The following COLGALT1 variants were observed in gnomAD, a reference collection of about 807,000 sequenced individuals.
The protein encoded by COLGALT1 is procollagen galactosyltransferase 1.
Under a neutral mutation model 60.8 loss-of-function variants are expected in COLGALT1, and 43 were observed. The observed-to-expected ratio is 0.71, with a 90% confidence interval of 0.55 to 0.91. The LOEUF is 0.91. Ranked by LOEUF, COLGALT1 falls within the 40% of genes least tolerant of loss-of-function variation. The pLI is 0.00. For synonymous variants in COLGALT1, 369 were observed against 374.2 expected (o/e 0.99, Z 0.16); for missense variants, 845 against 880.0 (o/e 0.96, Z 0.50).
chr19:17,556,161 G>T (rs1266317619), intron 1 of COLGALT1, among the ~76,000 whole-genome samples, 188 bp downstream of exon 1: 11 of 152,218 alleles, frequency 7.2e-5, no homozygotes, highest in Admixed American at 2.0e-4. Context: ...ATCGGGACGG[G>T]TCCACGCGTG....
intron 1 of COLGALT1, among the ~76,000 whole-genome samples, chr19:17,557,699 TC>T (rs1321086898): frequency 6.6e-6 from 1 of 152,212 alleles, no homozygotes; most frequent in Admixed American, 6.5e-5. Flanking sequence ...CCTCCTGGGC[TC>T]AAGTGATTCT....
intron 9 of COLGALT1, 38 bp downstream of exon 9, chr19:17,578,127 T>C (rs2144846197): frequency 6.5e-7 from 1 of 1,527,340 alleles, no homozygotes; most frequent in Non-Finnish European, 8.8e-7. Flanking sequence ...GAGTTATGAC[T>C]CTAGATCTCA....
chr19:17,577,180 G>T lies in COLGALT1; in HGVS notation c.950-15G>T, dbSNP rs1367390857. The T allele has an allele frequency of 1.2e-6, 2 of 1,612,574 alleles. No homozygotes were observed. Among genetic ancestry groups the T allele is most frequent in the Non-Finnish European group, 1.7e-6 (2 of 1,179,382 alleles). ...CTCCTTACCCCAGCGACTCCTCAAC[G>T]TCTGTGCCCCACAGTGAAGCACCCG... On this transcript the variant is annotated splice_polypyrimidine_tract_variant and intron_variant, in intron 6 of 11. Transcript: ENST00000252599.
rs960376578 is a variant in COLGALT1, at chr19:17,581,232, C to T, written c.1657C>T (p.Pro553Ser). The change falls in exon 12 of 12, where the codon CCG becomes TCG. Residue 553 changes from proline to serine, a missense_variant. By Grantham distance (74) the Pro-to-Ser change is moderately conservative. Transcript: ENST00000252599. ...LRNLHAFSVE[P>S]LLIYPTHYTG... ...CAACCTGCATGCCTTCTCTGTGGAG[C>T]CGCTGCTCATCTACCCCACACACTA... 1 of 1,610,234 alleles carries T rather than the reference C, an allele frequency of 6.2e-7. No individual in the cohort carries two copies. The highest frequency in any genetic ancestry group is 8.5e-7 in the Non-Finnish European group (1 of 1,179,742).
At position 17,572,471 on chromosome 19, in the gene COLGALT1, T is replaced by C; in HGVS notation, c.830-12T>C. 2 of 1,614,082 alleles carry C rather than the reference T, an allele frequency of 1.2e-6. No individual in the cohort carries two copies. The highest frequency in any genetic ancestry group is 1.3e-5 in the African/African-American group (1 of 75,064). ...TTTTTACATTTGTCTGTTGCTTCCC[T>C]GCCCACTGCAGAGGTTCAGATGTAT... is the stretch of plus-strand genomic sequence containing the variant. On this transcript the variant is annotated splice_polypyrimidine_tract_variant and intron_variant, in intron 5 of 11. Transcript: ENST00000252599.
chr19:17,580,383 A>C, intron 10 of COLGALT1: 11 of 402,056 alleles, frequency 2.7e-5, no homozygotes, highest in East Asian at 1.0e-4. Flanking sequence ...CCATCAGGGC[A>C]CCTCGCCCAC....
At chr19:17,574,250 C>T (rs1196269132) in intron 6 of COLGALT1, among the ~76,000 whole-genome samples, 1 of 152,022 alleles carries the variant, frequency 6.6e-6, no homozygotes, top group Non-Finnish European at 1.5e-5. Flanking sequence ...CCCAGCCTTA[C>T]CGATTTCTGA....
In COLGALT1 at chr19:17,582,045, A is replaced by AT; in HGVS notation, c.*601_*602insT. Reference sequence around the variant, plus strand: ...TTTCTCGGCCTCCCAAGTAGCTGGGACTATAGGTGCGTGCCATCACATCTG... The same window carrying AT: ...TTTCTCGGCCTCCCAAGTAGCTGGGATCTATAGGTGCGTGCCATCACATCTG... On this transcript the variant is annotated 3_prime_UTR_variant, in exon 12 of 12. Coordinates refer to ENST00000252599, the MANE Select transcript of COLGALT1 (RefSeq NM_024656.4). 1 of 154,932 alleles carries AT rather than the reference A, an allele frequency of 6.5e-6. No individual in the cohort carries two copies. The highest frequency in any genetic ancestry group is 1.4e-5 in the Non-Finnish European group (1 of 69,878). 9.6% of individuals were successfully genotyped at this position (154,932 alleles called of 1,614,324 possible).
At chr19:17,572,461 G>A (rs1343458025) in intron 5 of COLGALT1, 22 bp from the exon 6 acceptor site, 1 of 1,613,748 alleles carries the variant, frequency 6.2e-7, no homozygotes, top group Non-Finnish European at 8.5e-7. Context: ...ACATTTGTCT[G>A]TTGCTTCCCT....
At position 17,581,292 on chromosome 19, in the gene COLGALT1, A is replaced by T. The variant is rs746433476; in HGVS notation, c.1717A>T (p.Thr573Ser). Residue 573 changes from threonine to serine, a missense_variant, in exon 12 of 12, where the codon ACC becomes TCC. Coordinates refer to ENST00000252599, the MANE Select transcript of COLGALT1 (RefSeq NM_024656.4). ...CGATGGCTATGTGAGTGACACCGAG[A>T]CCTCAGTCGTATGGAACAATGAGCA... ...GDDGYVSDTE[T>S]SVVWNNEHVK... 7.4e-6 allele frequency: 12 copies of T among 1,612,520 alleles called. No individual in the cohort carries two copies. The African/African-American group carries it at 1.2e-4, about 16-fold the overall frequency.
Position 17,575,472 on chromosome 19 carries a change from C to T in COLGALT1, c.950-1723C>T, listed in dbSNP as rs139287119. ...GTGTTAACCTGGATGGCCTCGATCT[C>T]CTGACCTTGTGAGCCACCTGCCTCG... On this transcript the variant is annotated intron_variant, in intron 6 of 11. Coordinates refer to ENST00000252599, the MANE Select transcript of COLGALT1 (RefSeq NM_024656.4). Among the ~76,000 whole-genome samples, 23 of 152,240 alleles carry T rather than the reference C, an allele frequency of 1.5e-4. No homozygotes were observed. In the East Asian group the frequency reaches 4.4e-3, roughly 29 times the overall value.
intron 9 of COLGALT1, among the ~76,000 whole-genome samples, chr19:17,579,167 CAAAAAA>C (rs773192619): frequency 1.3e-5 from 1 of 75,792 alleles, no homozygotes; most frequent in Non-Finnish European, 2.7e-5. Context: ...GACTCCGTCT[CAAAAAA>C]AAAAAAAAAG....
chr19:17,561,352 A>T (rs900667174), intron 3 of COLGALT1, among the ~76,000 whole-genome samples: 1 of 151,918 alleles, frequency 6.6e-6, no homozygotes, highest in Admixed American at 6.6e-5. Context: ...AAGTGCTGGG[A>T]TTACAGGCAT....
intron 3 of COLGALT1, among the ~76,000 whole-genome samples, chr19:17,565,613 T>C (rs1426410109): frequency 6.6e-6 from 1 of 151,468 alleles, no homozygotes; most frequent in Admixed American, 6.6e-5. Context: ...GAGGTTGCAG[T>C]GAGCCGAGAT....
intron 8 of COLGALT1, 39 bp from the exon 9 acceptor site, chr19:17,577,918 G>A (rs1555771003): frequency 1.3e-6 from 2 of 1,579,138 alleles, no homozygotes; most frequent in Admixed American, 3.5e-5. Flanking sequence ...TGGCAGGCAG[G>A]GTGAACCTTC....
At chr19:17,560,238 C>A in intron 2 of COLGALT1, 110 bp from the exon 3 acceptor site, 3 of 717,462 alleles carry the variant, frequency 4.2e-6, no homozygotes, top group Non-Finnish European at 7.2e-6. Flanking sequence ...GATCAGCTTA[C>A]ACGTCCCCTC....
At chr19:17,576,967 G>A in intron 6 of COLGALT1, 4 of 594,674 alleles carry the variant, frequency 6.7e-6, no homozygotes, top group Non-Finnish European at 1.2e-5. Context: ...AGGACTGGGG[G>A]CGGGGTGAAG....
intron 6 of COLGALT1, among the ~76,000 whole-genome samples, chr19:17,574,595 G>A (rs1020656576): frequency 2.0e-5 from 3 of 152,166 alleles, no homozygotes; most frequent in African/African-American, 4.8e-5. Flanking sequence ...CTCCCAGAAT[G>A]CTGGGATTAC....
Position 17,581,250 on chromosome 19 carries a change from A to G in COLGALT1, c.1675A>G (p.Thr559Ala). The G allele has an allele frequency of 6.2e-7, 1 of 1,610,690 alleles. No individual in the cohort carries two copies. The highest frequency in any genetic ancestry group is 8.5e-7 in the Non-Finnish European group (1 of 1,179,738). Residue 559 changes from threonine to alanine, a missense_variant, in exon 12 of 12, where the codon ACA (threonine) becomes GCA (alanine). Coordinates refer to ENST00000252599, the MANE Select transcript of COLGALT1 (RefSeq NM_024656.4). ...TGTGGAGCCGCTGCTCATCTACCCC[A>G]CACACTACACAGGAGACGATGGCTA... is the stretch of plus-strand genomic sequence containing the variant. ...FSVEPLLIYP[T>A]HYTGDDGYVS... is the part of the protein sequence containing the mutation.
Sources: gnomAD v4.1 joint callset for allele counts (sites outside exome capture counted in the v4.1 genomes callset) on GRCh38, gnomAD v4.1.1 for gene constraint, MANE v1.5 for transcripts, NCBI Gene and HGNC (gene_info 2026-07-23, HGNC 2026-07-21) for gene names.